Variants in TTLL6 observed in about 807,000 individuals in gnomAD.
TTLL6 encodes tubulin tyrosine ligase like 6.
Under a neutral mutation model 96.4 loss-of-function variants are expected in TTLL6, and 75 were observed. That is an observed-to-expected ratio of 0.78 (90% confidence interval 0.65 to 0.94). The LOEUF is 0.94. TTLL6 is among the 40% of genes least tolerant of loss of function. TTLL6 has a pLI of 0.00. For missense variants in TTLL6, 1,030 were observed against 1,093.0 expected, an observed-to-expected ratio of 0.94 and a Z score of 0.81; for synonymous variants, 411 against 419.4, an observed-to-expected ratio of 0.98 and a Z score of 0.24.
At chr17:48,774,087 AAAAC>A (rs1305737339) in intron 13 of TTLL6, among the ~76,000 whole-genome samples, 18 of 102,818 alleles carry the variant, frequency 1.8e-4, no homozygotes, top group Non-Finnish European at 3.1e-4. Flanking sequence ...CATCTCAAAA[AAAAC>A]AAAACAAAAA....
At chr17:48,787,722 C>T (rs1035474419) in intron 11 of TTLL6, 89 bp downstream of exon 11, 5 of 1,334,028 alleles carry the variant, frequency 3.7e-6, no homozygotes, top group Non-Finnish European at 5.2e-6. Context: ...TGGCTGGGGA[C>T]TCTCCCTGCC....
intron 13 of TTLL6, among the ~76,000 whole-genome samples, chr17:48,783,460 C>T (rs993817012): frequency 1.3e-5 from 2 of 149,636 alleles, no homozygotes; most frequent in African/African-American, 4.9e-5. Flanking sequence ...TAGATAGAGT[C>T]TCACTCTGTT....
intron 11 of TTLL6, among the ~76,000 whole-genome samples, chr17:48,786,863 T>G (rs1457312870): frequency 6.9e-6 from 1 of 144,682 alleles, no homozygotes; most frequent in Admixed American, 7.4e-5. Context: ...AGATGGAGTC[T>G]CGCTCTGTCC....
chr17:48,767,778 C>T (rs973781075), intron 15 of TTLL6, among the ~76,000 whole-genome samples: 1 of 152,132 alleles, frequency 6.6e-6, no homozygotes, highest in African/African-American at 2.4e-5. Flanking sequence ...GGCATCTTAC[C>T]ATCTCCTGGG....
chr17:48,796,985 G>A (rs2039326817), intron 7 of TTLL6, 76 bp downstream of exon 7: 2 of 1,426,144 alleles, frequency 1.4e-6, no homozygotes, highest in Admixed American at 5.2e-5. Context: ...TCTTGAGGAT[G>A]TGGATTTAAC....
At chr17:48,806,690 T>G (rs1428833277) in intron 1 of TTLL6, among the ~76,000 whole-genome samples, 1 of 152,212 alleles carries the variant, frequency 6.6e-6, no homozygotes. Context: ...TTTCCTACTC[T>G]ATCATAGTCA....
chr17:48,777,164 A>G (rs2038890743), intron 13 of TTLL6, among the ~76,000 whole-genome samples: 1 of 152,224 alleles, frequency 6.6e-6, no homozygotes, highest in Non-Finnish European at 1.5e-5. Flanking sequence ...AGTCTTTACA[A>G]TAAATAGTTT....
chr17:48,794,017 G>C (rs1041241087), intron 8 of TTLL6, among the ~76,000 whole-genome samples: 3 of 152,198 alleles, frequency 2.0e-5, no homozygotes, highest in Admixed American at 6.5e-5. Flanking sequence ...GAACTGAGGA[G>C]AGATGGACCT....
intron 13 of TTLL6, among the ~76,000 whole-genome samples, chr17:48,774,230 G>GTTTTTT (rs753077737): frequency 0.012 from 1,390 of 117,270 alleles, 93 homozygotes; most frequent in Middle Eastern, 0.027. Context: ...ATCCAGGTTT[G>GTTTTTT]TTGTTTTTTT....
intron 8 of TTLL6, among the ~76,000 whole-genome samples, chr17:48,792,674 A>T (rs1158612717): frequency 6.6e-6 from 1 of 152,198 alleles, no homozygotes; most frequent in East Asian, 1.9e-4. Context: ...CCATTCAGGG[A>T]GTCAACACAC....
chr17:48,774,264 TC>T (rs1339381916), intron 13 of TTLL6, among the ~76,000 whole-genome samples: 1 of 119,214 alleles, frequency 8.4e-6, no homozygotes, highest in East Asian at 2.4e-4. Flanking sequence ...AGACGGAGTC[TC>T]GCTCTGTCGC....
At chr17:48,803,302 A>G (rs1009430800) in intron 3 of TTLL6, among the ~76,000 whole-genome samples, 1 of 152,054 alleles carries the variant, frequency 6.6e-6, no homozygotes, top group Non-Finnish European at 1.5e-5. Flanking sequence ...TTAGACCAGC[A>G]TGGCCAATGC....
chr17:48,796,618 CAAA>C (rs10667928), intron 7 of TTLL6, among the ~76,000 whole-genome samples: 3 of 138,278 alleles, frequency 2.2e-5, no homozygotes, highest in Non-Finnish European at 3.1e-5. Flanking sequence ...GACTCCATCT[CAAA>C]AAAAAAAAAA....
chr17:48,804,916 C>G lies in TTLL6; in HGVS notation c.179G>C (p.Gly60Ala). The part of the protein sequence containing the change: ...PQCPTLESQE[G>A]ENSEEKGDSS... ...GTCCCCCTTCTCTTCGGAGTTTTCCCCTTCCTGGCTTTCCAAAGTCGGGCA... is the reference window on the plus strand; with the variant it reads ...GTCCCCCTTCTCTTCGGAGTTTTCCGCTTCCTGGCTTTCCAAAGTCGGGCA... The change falls in exon 2 of 16, where the codon GGG (glycine) becomes GCG (alanine). Residue 60 changes from glycine (G) to alanine (A), a missense_variant. Gly to Ala is a moderately conservative substitution (Grantham distance 60, BLOSUM62 0). Transcript: ENST00000393382. 1 of 1,551,892 alleles carries G rather than the reference C, an allele frequency of 6.4e-7. No individual in the cohort carries two copies. The highest frequency in any genetic ancestry group is 8.7e-7 in the Non-Finnish European group (1 of 1,147,020).
Position 48,797,188 on chromosome 17 carries a change from C to A in TTLL6, c.785G>T (p.Gly262Val). 1 of 1,550,586 alleles carries A rather than the reference C, an allele frequency of 6.4e-7. No individual in the cohort carries two copies. The highest frequency in any genetic ancestry group is 8.7e-7 in the Non-Finnish European group (1 of 1,146,462). The change falls in exon 7 of 16, where the codon GGG becomes GTG. Residue 262 changes from glycine to valine, a missense_variant. Physicochemically the swap from Gly to Val is moderately radical, Grantham distance 109. Transcript: ENST00000393382. ...LYISKPFIIDGFKFDLRIYVL... is the reference protein window; with the variant it reads ...LYISKPFIIDVFKFDLRIYVL... ...ATAAATCCGTAGGTCAAACTTAAAC[C>A]CATCAATGATAAAGGGCTGGAAGGA... is the stretch of plus-strand genomic sequence containing the variant.
At chr17:48,807,141 G>C (rs1404951343) in intron 1 of TTLL6, among the ~76,000 whole-genome samples, 1 of 151,840 alleles carries the variant, frequency 6.6e-6, no homozygotes, top group African/African-American at 2.4e-5. Flanking sequence ...AGGATGGAGT[G>C]CAATGGCGCC....
intron 7 of TTLL6, among the ~76,000 whole-genome samples, chr17:48,796,546 G>A (rs1354456228): frequency 6.6e-6 from 1 of 151,642 alleles, no homozygotes; most frequent in Non-Finnish European, 1.5e-5. Flanking sequence ...TTGAACCCAG[G>A]AGGCAGAGGT....
chr17:48,805,612 A>G (rs1386516396), intron 1 of TTLL6, among the ~76,000 whole-genome samples: 1 of 152,078 alleles, frequency 6.6e-6, no homozygotes, highest in East Asian at 1.9e-4. Flanking sequence ...TATAAAATAC[A>G]TGTAAGGAAG....
intron 12 of TTLL6, among the ~76,000 whole-genome samples, chr17:48,785,577 C>A (rs1045981667): frequency 6.6e-6 from 1 of 152,170 alleles, no homozygotes; most frequent in East Asian, 1.9e-4. Flanking sequence ...ACTGAAAACT[C>A]AGCTGAATCT....
Sources: allele counts gnomAD v4.1 joint callset (sites outside exome capture counted in the v4.1 genomes callset), GRCh38; gene constraint gnomAD v4.1.1; transcripts MANE v1.5; gene names NCBI Gene and HGNC (gene_info 2026-07-23, HGNC 2026-07-21).